FOLR2: variants seen among roughly 807,000 people sequenced by gnomAD.
FOLR2 encodes folate receptor 2 (fetal).
A neutral mutation model predicts 20.4 loss-of-function variants in FOLR2; 14 were observed. The observed-to-expected ratio is 0.68, with a 90% CI of 0.45 to 1.07. FOLR2 has a LOEUF of 1.07. Among genes scored for constraint, FOLR2 ranks in the 50% least tolerant of loss-of-function variants. The probability of loss-of-function intolerance (pLI) is 0.00; values close to 1 mark genes in which losing one functional copy is unlikely to be tolerated. For synonymous variants in FOLR2, 114 were observed against 114.3 expected, an observed-to-expected ratio of 1.00 and a Z score of 0.02; for missense variants, 269 against 322.6, an observed-to-expected ratio of 0.83 and a Z score of 1.27.
At chr11:72,218,975 C>T (rs1370818469) in intron 2 of FOLR2, among the ~76,000 whole-genome samples, 3 of 152,194 alleles carry the variant, frequency 2.0e-5, no homozygotes, top group Non-Finnish European at 4.4e-5. Context: ...TGTCAGTTGT[C>T]ATGTGTTTTT....
chr11:72,216,948 G>A, intron 1 of FOLR2, 23 bp downstream of exon 1: 1 of 1,599,184 alleles, frequency 6.3e-7, no homozygotes, highest in East Asian at 2.2e-5. Flanking sequence ...AAGGAGGGAA[G>A]GGTGACAAGG....
chr11:72,219,774 G>C (rs1948452605), intron 2 of FOLR2, among the ~76,000 whole-genome samples: 1 of 151,744 alleles, frequency 6.6e-6, no homozygotes, highest in Non-Finnish European at 1.5e-5. Flanking sequence ...ACCCAGTCTA[G>C]ATTAAAATCT....
At chr11:72,217,615 G>C (rs180919749) in intron 1 of FOLR2, among the ~76,000 whole-genome samples, 14 of 152,260 alleles carry the variant, frequency 9.2e-5, no homozygotes, top group Non-Finnish European at 1.9e-4. Flanking sequence ...TGCTGGTCTG[G>C]CTGCTCCAAC....
chr11:72,221,400 T>TG, intron 4 of FOLR2, 70 bp from the exon 5 acceptor site: 1 of 1,596,078 alleles, frequency 6.3e-7, no homozygotes. Context: ...TGAAGATTTC[T>TG]GGGGGTGGCC....
Position 72,218,581 on chromosome 11 carries a change from A to T in FOLR2, c.-4A>T. The T allele has an allele frequency of 6.2e-7, 1 of 1,612,938 alleles. No homozygotes were observed. The highest frequency in any genetic ancestry group is 8.5e-7 in the Non-Finnish European group (1 of 1,179,418). ...CCTAGCTCCGCCTGCAGGGACAGAAAGACATGGTCTGGAAATGGATGCCAC... is the reference window on the plus strand; with the variant it reads ...CCTAGCTCCGCCTGCAGGGACAGAATGACATGGTCTGGAAATGGATGCCAC... On this transcript the variant is annotated 5_prime_UTR_variant, in exon 2 of 5. In the 5' UTR this introduces an upstream ATG that the reference lacks. Coordinates refer to ENST00000298223, the MANE Select transcript of FOLR2 (RefSeq NM_000803.5).
chr11:72,221,070 C>CCCCCCCCCCCCCCCCCCCCAA lies in FOLR2; in HGVS notation c.339+18_339+19insCCCCCCCCCCCCCAACCCCCC. 2.3e-6 allele frequency: 1 copy of CCCCCCCCCCCCCCCCCCCCAA among 427,114 alleles called. No homozygotes were observed. 26.5% of individuals were successfully genotyped at this position (427,114 alleles called of 1,614,324 possible). A position where few individuals can be genotyped will look rare whatever the true frequency, so the allele number is the denominator to read the frequency against. On this transcript the variant is annotated intron_variant, in intron 3 of 4. Transcript: ENST00000298223. ...CCTGGATCCAGCAGGTAGGGTGTCT[C>CCCCCCCCCCCCCCCCCCCCAA]CCCCCCACCCACCCCAGCAGACTGC...
chr11:72,220,817 G>A (rs542526387), intron 2 of FOLR2, 53 bp from the exon 3 acceptor site: 464 of 1,607,388 alleles, frequency 2.9e-4, no homozygotes, highest in Non-Finnish European at 3.7e-4. Flanking sequence ...ACACGAGGTG[G>A]CAGGAGGAGG....
At chr11:72,220,782 G>A in intron 2 of FOLR2, 88 bp from the exon 3 acceptor site, 1 of 1,543,108 alleles carries the variant, frequency 6.5e-7, no homozygotes, top group Non-Finnish European at 8.8e-7. Flanking sequence ...CTAGGGCAGA[G>A]GAGTAAGAAC....
chr11:72,221,069 T>TGGGGCCCCCC lies in FOLR2; in HGVS notation c.339+11_339+12insGGGGCCCCCC. 1 of 717,300 alleles carries TGGGGCCCCCC rather than the reference T, an allele frequency of 1.4e-6. No individual in the cohort carries two copies. The highest frequency in any genetic ancestry group is 2.2e-6 in the Non-Finnish European group (1 of 458,080). 44.4% of individuals were successfully genotyped at this position (717,300 alleles called of 1,614,324 possible). A position where few individuals can be genotyped will look rare whatever the true frequency, so the allele number is the denominator to read the frequency against. On this transcript the variant is annotated intron_variant, in intron 3 of 4. Coordinates refer to ENST00000298223, the MANE Select transcript of FOLR2 (RefSeq NM_000803.5). ...CCCTGGATCCAGCAGGTAGGGTGTCTCCCCCCCACCCACCCCAGCAGACTG... is the reference window on the plus strand; with the variant it reads ...CCCTGGATCCAGCAGGTAGGGTGTCTGGGGCCCCCCCCCCCCCACCCACCCCAGCAGACTG...
intron 1 of FOLR2, chr11:72,217,303 G>A (rs777755454): frequency 4.9e-5 from 57 of 1,164,798 alleles, no homozygotes; most frequent in Non-Finnish European, 5.8e-5. Flanking sequence ...GATTACAGGC[G>A]TGAGCCACTG....
intron 4 of FOLR2, 25 bp from the exon 5 acceptor site, chr11:72,221,443 CTG>C: frequency 6.2e-7 from 1 of 1,607,226 alleles, no homozygotes; most frequent in Non-Finnish European, 8.5e-7. Context: ...GGCTGAAAGT[CTG>C]TGTCCACCAT....
At chr11:72,219,002 T>C (rs1200830753) in intron 2 of FOLR2, among the ~76,000 whole-genome samples, 1 of 152,336 alleles carries the variant, frequency 6.6e-6, no homozygotes, top group East Asian at 1.9e-4. Flanking sequence ...AAATTTCATA[T>C]TCCCAGGGGT....
intron 1 of FOLR2, 59 bp downstream of exon 1, chr11:72,216,984 T>C: frequency 1.3e-6 from 2 of 1,529,872 alleles, no homozygotes; most frequent in South Asian, 2.2e-5. Flanking sequence ...GGAGAGTTTG[T>C]GCAGAGGGGA....
Position 72,220,904 on chromosome 11 carries a change from C to A in FOLR2, c.185C>A (p.Ala62Asp). The change falls in exon 3 of 5, where the codon GCC becomes GAC. Residue 62 changes from alanine to aspartate, a missense_variant. Ala to Asp is a moderately radical substitution (Grantham distance 126). Coordinates refer to ENST00000298223, the MANE Select transcript of FOLR2 (RefSeq NM_000803.5). The part of the protein sequence containing the change: ...SPWKKNACCT[A>D]STSQELHKDT... ...TGGAAGAAGAATGCCTGCTGCACAG[C>A]CAGCACCAGCCAGGAGCTGCACAAG... 1 of 1,613,988 alleles carries A rather than the reference C, an allele frequency of 6.2e-7. No homozygotes were observed. Among genetic ancestry groups the A allele is most frequent in the Non-Finnish European group, 8.5e-7 (1 of 1,179,896 alleles).
rs1224008799 is a variant in FOLR2, at chr11:72,218,654, A to G, written c.70A>G (p.Arg24Gly). Reference sequence around the variant, plus strand: ...AGCCACCATGTGCAGTGCCCAGGACAGGACTGATCTCCTCAATGTCTGTAT... The same window carrying G: ...AGCCACCATGTGCAGTGCCCAGGACGGGACTGATCTCCTCAATGTCTGTAT... The part of the protein sequence containing the change: ...CVATMCSAQD[R>G]TDLLNVCMDA... The change falls in exon 2 of 5, where the codon AGG (arginine) becomes GGG (glycine). Residue 24 changes from arginine (R) to glycine (G), a missense_variant. By Grantham distance (125) the Arg-to-Gly change is moderately radical (BLOSUM62 -2). Coordinates refer to ENST00000298223, the MANE Select transcript of FOLR2 (RefSeq NM_000803.5). The G allele has an allele frequency of 6.2e-7, 1 of 1,613,268 alleles. No homozygotes were observed. The highest frequency in any genetic ancestry group is 8.5e-7 in the Non-Finnish European group (1 of 1,179,568).
intron 1 of FOLR2, 84 bp downstream of exon 1, chr11:72,217,009 T>C: frequency 7.4e-7 from 1 of 1,344,748 alleles, no homozygotes; most frequent in Non-Finnish European, 1.0e-6. Flanking sequence ...CACACCTTTC[T>C]TTCTGTATTG....
Position 72,220,124 on chromosome 11 carries a change from C to T in FOLR2, c.151-746C>T, listed in dbSNP as rs149939447. ...TCCCAAAGTGCTGGGGTTACAGCTA[C>T]GAGCCACCACGCCCAGCCTGGCTTT... On this transcript the variant is annotated intron_variant, in intron 2 of 4. Transcript: ENST00000298223. Among the ~76,000 whole-genome samples, 17 of 152,268 alleles carry T rather than the reference C, an allele frequency of 1.1e-4. No individual in the cohort carries two copies. In the East Asian group the frequency reaches 2.3e-3, roughly 21 times the overall value.
chr11:72,221,069 T>TGTCCCCCCC lies in FOLR2; in HGVS notation c.339+11_339+12insGTCCCCCCC. The TGTCCCCCCC allele has an allele frequency of 1.4e-6, 1 of 717,304 alleles. No homozygotes were observed. Among genetic ancestry groups the TGTCCCCCCC allele is most frequent in the Non-Finnish European group, 2.2e-6 (1 of 458,084 alleles). 44.4% of individuals were successfully genotyped at this position (717,304 alleles called of 1,614,324 possible). On this transcript the variant is annotated intron_variant, in intron 3 of 4. Transcript: ENST00000298223. ...CCCTGGATCCAGCAGGTAGGGTGTCTCCCCCCCACCCACCCCAGCAGACTG... is the reference window on the plus strand; with the variant it reads ...CCCTGGATCCAGCAGGTAGGGTGTCTGTCCCCCCCCCCCCCCACCCACCCCAGCAGACTG...
In FOLR2 at chr11:72,221,067, T is replaced by TCGGGGGGGCGCCCCCCCCCCC; in HGVS notation, c.339+10_339+11insGGGGGGGCGCCCCCCCCCCCC. The TCGGGGGGGCGCCCCCCCCCCC allele has an allele frequency of 1.3e-6, 2 of 1,570,112 alleles. No homozygotes were observed. Among genetic ancestry groups the TCGGGGGGGCGCCCCCCCCCCC allele is most frequent in the Non-Finnish European group, 1.7e-6 (2 of 1,154,908 alleles). On this transcript the variant is annotated intron_variant, in intron 3 of 4. Coordinates refer to ENST00000298223, the MANE Select transcript of FOLR2 (RefSeq NM_000803.5). ...GGCCCTGGATCCAGCAGGTAGGGTG[T>TCGGGGGGGCGCCCCCCCCCCC]CTCCCCCCCACCCACCCCAGCAGAC...
Sources: gnomAD v4.1 joint callset for allele counts (sites outside exome capture counted in the v4.1 genomes callset) on GRCh38, gnomAD v4.1.1 for gene constraint, MANE v1.5 for transcripts, NCBI Gene and HGNC (gene_info 2026-07-23, HGNC 2026-07-21) for gene names.